PCLO: variants seen among roughly 807,000 people sequenced by gnomAD.
The protein encoded by PCLO is piccolo presynaptic cytomatrix protein.
Under a neutral mutation model 427.5 loss-of-function variants are expected in PCLO, and 82 were observed. That is an observed-to-expected ratio of 0.19 (90% confidence interval 0.16 to 0.23). The LOEUF (loss-of-function observed/expected upper bound fraction) is 0.23, where lower values mean the gene tolerates loss of function less well. Ranked by LOEUF, PCLO falls within the 10% of genes least tolerant of loss-of-function variation. The probability of loss-of-function intolerance (pLI) is 1.00; values close to 1 mark genes in which losing one functional copy is unlikely to be tolerated. For synonymous variants in PCLO, 2,357 were observed against 2,155.4 expected (o/e 1.09, Z -2.59); for missense variants, 6,239 against 6,115.9 (o/e 1.02, Z -0.67).
chr7:82,851,983 T>A (rs1792671656), intron 10 of PCLO, among the ~76,000 whole-genome samples: 1 of 151,980 alleles, frequency 6.6e-6, no homozygotes, highest in Non-Finnish European at 1.5e-5. Flanking sequence ...ACAATTTTGA[T>A]CTATTTATAT....
intron 3 of PCLO, among the ~76,000 whole-genome samples, chr7:83,033,406 T>G (rs1788719320): frequency 6.6e-6 from 1 of 152,168 alleles, no homozygotes; most frequent in Non-Finnish European, 1.5e-5. Flanking sequence ...ACACCTGGTA[T>G]CTGTTATTTG....
At chr7:82,908,784 A>T (rs752557979) in intron 8 of PCLO, 93 bp downstream of exon 8, 1 of 1,078,462 alleles carries the variant, frequency 9.3e-7, no homozygotes, top group Non-Finnish European at 1.4e-6. Flanking sequence ...ATAAACAAAC[A>T]TCTCATTCCT....
chr7:83,134,882 G>A lies in PCLO; in HGVS notation c.2668C>T (p.Pro890Ser), dbSNP rs752585313. ...GPRPTAGQTV[P>S]TPQQSPKPQE... ...GGCTTTGGGGACTGTTGAGGTGTGG[G>A]GACAGTTTGGCCAGCGGTAGGTCGT... Residue 890 changes from proline to serine, a missense_variant, in exon 3 of 25, where the codon CCC becomes TCC. By Grantham distance (74) the Pro-to-Ser change is moderately conservative. This residue lies in a region of PCLO where 4,677 missense variants were observed against 4,468.4 expected (regional missense o/e 1.05). Transcript: ENST00000333891. The A allele has an allele frequency of 1.0e-5, 16 of 1,604,374 alleles. No homozygotes were observed. The South Asian group carries it at 1.8e-4, about 18-fold the overall frequency.
rs1426454890 is a variant in PCLO at position 82,954,810 on chromosome 7, A to T, written c.6143T>A (p.Met2048Lys). The change falls in exon 5 of 25, where the codon ATG becomes AAG. Residue 2048 changes from methionine (M) to lysine (K), a missense_variant. Met to Lys is a moderately conservative substitution (Grantham distance 95). Around this residue, in one of 5 missense-constraint regions of PCLO, gnomAD observed 4,677 missense variants for 4,468.4 expected, o/e 1.05. Coordinates refer to ENST00000333891, the MANE Select transcript of PCLO (RefSeq NM_033026.6). ...ESHEIVDLGT[M>K]VTSTEEERKL... Reference sequence around the variant, plus strand: ...CCTTTCTTCTTCTGTAGAAGTTACCATAGTACCCAGGTCCACTATCTCATG... The same window carrying T: ...CCTTTCTTCTTCTGTAGAAGTTACCTTAGTACCCAGGTCCACTATCTCATG... The T allele has an allele frequency of 2.2e-5, 36 of 1,613,748 alleles. No homozygotes were observed. Among genetic ancestry groups the T allele is most frequent in the Non-Finnish European group, 2.9e-5 (34 of 1,179,828 alleles).
chr7:82,882,861 C>T (rs544561577), intron 9 of PCLO, among the ~76,000 whole-genome samples: 17 of 152,140 alleles, frequency 1.1e-4, no homozygotes, highest in African/African-American at 3.9e-4. Flanking sequence ...TTTAAATTTA[C>T]AGATTACATC....
At chr7:83,100,556 A>G (rs1017763972) in intron 3 of PCLO, among the ~76,000 whole-genome samples, 1 of 152,176 alleles carries the variant, frequency 6.6e-6, no homozygotes, top group South Asian at 2.1e-4. Flanking sequence ...ACACAGAAAC[A>G]GAAAACCAAA....
rs866986221 is a variant in PCLO, at chr7:82,955,815, C to G, written c.5138G>C (p.Arg1713Thr). The G allele has an allele frequency of 3.7e-6, 6 of 1,613,844 alleles. No individual in the cohort carries two copies. The highest frequency in any genetic ancestry group is 5.1e-6 in the Non-Finnish European group (6 of 1,179,874). The change falls in exon 5 of 25, where the codon AGG (arginine) becomes ACG (threonine). Residue 1713 changes from arginine (R) to threonine (T), a missense_variant. Transcript: ENST00000333891. ...SLTDSPEDRS[R>T]GEGSSSLHAS... is the part of the protein sequence containing the mutation. ...ATGCAGACTCGAAGATCCCTCTCCC[C>G]TTGACCTATCTTCAGGTGAGTCTGT...
chr7:82,788,037 G>A (rs1041396838), intron 22 of PCLO, among the ~76,000 whole-genome samples: 7 of 151,776 alleles, frequency 4.6e-5, no homozygotes, highest in African/African-American at 1.4e-4. Context: ...GTCAAATAGA[G>A]CATGCCTCTG....
At chr7:82,948,877 G>A (rs1795264739) in intron 6 of PCLO, among the ~76,000 whole-genome samples, 1 of 152,118 alleles carries the variant, frequency 6.6e-6, no homozygotes, top group South Asian at 2.1e-4. Context: ...AGCATGGATG[G>A]ACTATGATGA....
intron 9 of PCLO, among the ~76,000 whole-genome samples, chr7:82,884,396 T>A (rs1430567612): frequency 1.3e-5 from 2 of 152,184 alleles, no homozygotes; most frequent in East Asian, 3.9e-4. Flanking sequence ...AGATGATGCA[T>A]GCTGTTAAAG....
chr7:82,996,214 T>C (rs1796492337), intron 3 of PCLO, among the ~76,000 whole-genome samples: 1 of 151,958 alleles, frequency 6.6e-6, no homozygotes, highest in African/African-American at 2.4e-5. Flanking sequence ...ATATTAATAG[T>C]AGCTAATTAT....
intron 3 of PCLO, among the ~76,000 whole-genome samples, chr7:83,096,158 T>TA (rs910051789): frequency 6.6e-6 from 1 of 152,158 alleles, no homozygotes; most frequent in African/African-American, 2.4e-5. Flanking sequence ...TCATAAGTTT[T>TA]AGAGTGTTTT....
chr7:82,833,738 T>C (rs1584026168), intron 16 of PCLO, among the ~76,000 whole-genome samples: 1 of 152,144 alleles, frequency 6.6e-6, no homozygotes, highest in East Asian at 1.9e-4. Flanking sequence ...AAAAAATGTA[T>C]GATACACATT....
intron 2 of PCLO, among the ~76,000 whole-genome samples, chr7:83,152,186 A>G (rs534711662): frequency 1.2e-3 from 176 of 151,924 alleles, no homozygotes; most frequent in African/African-American, 4.0e-3. Context: ...GGATGGTCTC[A>G]ATCTCCTGAC....
chr7:82,996,530 T>A (rs774029872), intron 3 of PCLO, among the ~76,000 whole-genome samples: 5 of 151,942 alleles, frequency 3.3e-5, no homozygotes, highest in Non-Finnish European at 7.4e-5. Flanking sequence ...ACAATCTTGA[T>A]AAAATGTAAA....
chr7:82,783,502 G>T (rs1177628122), intron 22 of PCLO, among the ~76,000 whole-genome samples: 1 of 152,058 alleles, frequency 6.6e-6, no homozygotes, highest in South Asian at 2.1e-4. Context: ...GGCTCCTGTA[G>T]TGCCAGCTAC....
chr7:83,066,724 T>C (rs1789679197), intron 3 of PCLO, among the ~76,000 whole-genome samples: 1 of 152,176 alleles, frequency 6.6e-6, no homozygotes, highest in Non-Finnish European at 1.5e-5. Context: ...TGCAACATGT[T>C]CTGTCAAGAT....
At chr7:82,765,283 A>C (rs369664715) in intron 22 of PCLO, among the ~76,000 whole-genome samples, 19 of 152,016 alleles carry the variant, frequency 1.2e-4, no homozygotes, top group African/African-American at 4.6e-4. Flanking sequence ...ATATTCTTCT[A>C]TCTGCTATCA....
intron 19 of PCLO, 25 bp from the exon 20 acceptor site, chr7:82,822,714 A>T: frequency 6.2e-7 from 1 of 1,603,626 alleles, no homozygotes; most frequent in Non-Finnish European, 8.5e-7. Context: ...GTAAAACATG[A>T]GTTAAAGTTG....
Sources: gnomAD v4.1 joint callset for allele counts (sites outside exome capture counted in the v4.1 genomes callset) on GRCh38, gnomAD v4.1.1 for gene constraint, gnomAD v4.1.1 regional missense constraint, MANE v1.5 for transcripts, NCBI Gene and HGNC (gene_info 2026-07-23, HGNC 2026-07-21) for gene names.